Variants in SRBD1 observed in about 807,000 individuals in gnomAD.
SRBD1 encodes the protein S1 RNA-binding domain-containing protein 1.
SRBD1 carries 88 observed loss-of-function variants against 115.3 expected under a neutral mutation model. The ratio of observed to expected loss-of-function variants is 0.76; its 90% CI spans 0.64 to 0.91. The LOEUF is 0.91. Ranked by LOEUF, SRBD1 falls within the 40% of genes least tolerant of loss-of-function variation. The pLI, the probability that SRBD1 is intolerant of heterozygous loss-of-function variation, is 0.00. For synonymous variants in SRBD1, 509 were observed against 407.7 expected, an observed-to-expected ratio of 1.25 and a Z score of -2.99; for missense variants, 1,385 against 1,177.4, an observed-to-expected ratio of 1.18 and a Z score of -2.58.
intron 16 of SRBD1, among the ~76,000 whole-genome samples, chr2:45,423,866 C>T (rs1228671206): frequency 6.6e-6 from 1 of 152,080 alleles, no homozygotes; most frequent in African/African-American, 2.4e-5. Context: ...ATAATGTATT[C>T]AGTATGTATG....
intron 1 of SRBD1, among the ~76,000 whole-genome samples, 175 bp from the exon 2 acceptor site, chr2:45,605,616 G>A (rs1163853449): frequency 6.6e-6 from 1 of 152,168 alleles, no homozygotes; most frequent in Non-Finnish European, 1.5e-5. Context: ...AATTAAAAGA[G>A]TAGCTGGCTG....
intron 14 of SRBD1, among the ~76,000 whole-genome samples, chr2:45,523,465 AAAAGAAAG>A (rs1205631345): frequency 6.6e-6 from 1 of 151,892 alleles, no homozygotes; most frequent in Non-Finnish European, 1.5e-5. Context: ...CTGACCAAGA[AAAAGAAAG>A]AAAGAAAGAC....
Position 45,538,555 on chromosome 2 carries a change from T to G in SRBD1, c.1874+8177A>C, listed in dbSNP as rs75963537. ...TCTGATTATTGCACTACAGAAGATATTTCAACTGCTGAAATGAGACTATGC... is the reference window on the plus strand; with the variant it reads ...TCTGATTATTGCACTACAGAAGATAGTTCAACTGCTGAAATGAGACTATGC... On this transcript the variant is annotated intron_variant, in intron 14 of 20. Transcript: ENST00000263736. 3.8e-3 allele frequency among the ~76,000 whole-genome samples: 576 copies of G among 152,334 alleles called. 18 individuals are homozygous for G. In the East Asian group the frequency reaches 0.069, roughly 18 times the overall value.
At chr2:45,528,656 G>A (rs1008222989) in intron 14 of SRBD1, among the ~76,000 whole-genome samples, 2 of 151,760 alleles carry the variant, frequency 1.3e-5, no homozygotes, top group Non-Finnish European at 2.9e-5. Context: ...GAACCCACAA[G>A]ATGCAAAAGA....
chr2:45,462,455 G>A (rs1669345209), intron 16 of SRBD1, among the ~76,000 whole-genome samples: 1 of 151,972 alleles, frequency 6.6e-6, no homozygotes, highest in African/African-American at 2.4e-5. Context: ...TGAAACAAAA[G>A]CCTTGTATAT....
At chr2:45,450,162 T>C (rs1558403145) in intron 16 of SRBD1, among the ~76,000 whole-genome samples, 1 of 152,112 alleles carries the variant, frequency 6.6e-6, no homozygotes, top group Non-Finnish European at 1.5e-5. Flanking sequence ...GGAAATCAAA[T>C]ACAAGAAAAG....
At chr2:45,402,116 G>A (rs1220011681) in intron 19 of SRBD1, among the ~76,000 whole-genome samples, 2 of 152,108 alleles carry the variant, frequency 1.3e-5, no homozygotes, top group East Asian at 1.9e-4. Context: ...GAGCTAGGCA[G>A]AACCTTTTAA....
At chr2:45,425,870 T>C (rs977116496) in intron 16 of SRBD1, among the ~76,000 whole-genome samples, 2 of 152,182 alleles carry the variant, frequency 1.3e-5, no homozygotes, top group Non-Finnish European at 2.9e-5. Flanking sequence ...GGAGATTCCC[T>C]TGGGTGCCTA....
rs766407904 is a variant in SRBD1, at chr2:45,601,892, G to A, written c.261+11C>T. 2 of 1,613,866 alleles carry A rather than the reference G, an allele frequency of 1.2e-6. No individual in the cohort carries two copies. Among genetic ancestry groups the A allele is most frequent in the East Asian group, 2.2e-5 (1 of 44,878 alleles). On this transcript the variant is annotated intron_variant, in intron 3 of 20. Transcript: ENST00000263736. Reference sequence around the variant, plus strand: ...ACTACAGAGTTCCCTCTATCCAGCTGTAGCACCTACCAGCTCCTCCTTAAC... The same window carrying A: ...ACTACAGAGTTCCCTCTATCCAGCTATAGCACCTACCAGCTCCTCCTTAAC...
chr2:45,439,360 C>CAT (rs5830860), intron 16 of SRBD1, among the ~76,000 whole-genome samples: 18,530 of 144,270 alleles, frequency 0.13, 1,161 homozygotes, highest in Middle Eastern at 0.2. Flanking sequence ...TATTCTAGGA[C>CAT]ATATATATAT....
intron 6 of SRBD1, among the ~76,000 whole-genome samples, chr2:45,580,587 T>C (rs1014092521): frequency 8.7e-5 from 13 of 149,420 alleles, no homozygotes; most frequent in African/African-American, 9.9e-5. Flanking sequence ...TCTTGATCTC[T>C]TGGTCTCGTG....
chr2:45,454,927 T>C (rs528892003), intron 16 of SRBD1, among the ~76,000 whole-genome samples: 3 of 152,000 alleles, frequency 2.0e-5, no homozygotes, highest in Admixed American at 2.0e-4. Flanking sequence ...AAGCTTTGTT[T>C]CTTGAATCCA....
At chr2:45,606,384 T>G (rs1397478940) in intron 1 of SRBD1, among the ~76,000 whole-genome samples, 2 of 152,174 alleles carry the variant, frequency 1.3e-5, no homozygotes, top group Non-Finnish European at 2.9e-5. Context: ...GGTCTTGAAC[T>G]CCCGACCTCA....
chr2:45,423,735 A>C (rs757420889), intron 16 of SRBD1, among the ~76,000 whole-genome samples: 1 of 152,156 alleles, frequency 6.6e-6, no homozygotes, highest in Non-Finnish European at 1.5e-5. Flanking sequence ...AGATACCTCA[A>C]GAAGAAAGAA....
intron 16 of SRBD1, among the ~76,000 whole-genome samples, chr2:45,442,394 T>A (rs3770254): frequency 0.8 from 121,557 of 152,208 alleles, 49,332 homozygotes; most frequent in African/African-American, 0.92. Flanking sequence ...TTAATGTTCA[T>A]TGTAGTAGGA....
At chr2:45,454,515 T>C (rs1335309090) in intron 16 of SRBD1, among the ~76,000 whole-genome samples, 2 of 151,862 alleles carry the variant, frequency 1.3e-5, no homozygotes, top group Non-Finnish European at 2.9e-5. Context: ...CTCCATTGAA[T>C]AGTAACATGT....
intron 9 of SRBD1, among the ~76,000 whole-genome samples, chr2:45,563,533 A>G (rs1049577653): frequency 2.3e-4 from 35 of 152,112 alleles, no homozygotes; most frequent in African/African-American, 8.0e-4. Flanking sequence ...CTTTGAAGAT[A>G]TCAACAAAAT....
At chr2:45,419,240 A>C (rs1318539536) in intron 17 of SRBD1, among the ~76,000 whole-genome samples, 1 of 152,264 alleles carries the variant, frequency 6.6e-6, no homozygotes, top group African/African-American at 2.4e-5. Context: ...TTCATGCTGC[A>C]TTAGCAGACT....
chr2:45,609,798 C>T (rs1360885902), intron 1 of SRBD1, among the ~76,000 whole-genome samples: 1 of 152,170 alleles, frequency 6.6e-6, no homozygotes, highest in Non-Finnish European at 1.5e-5. Context: ...TTCCTGTATA[C>T]AGTAGGTTAT....
Sources: allele counts gnomAD v4.1 joint callset (sites outside exome capture counted in the v4.1 genomes callset), GRCh38; gene constraint gnomAD v4.1.1; transcripts MANE v1.5; gene names NCBI Gene and HGNC (gene_info 2026-07-23, HGNC 2026-07-21).